Variants in KANK1 observed in about 807,000 individuals in gnomAD.
KANK1 encodes KN motif and ankyrin repeat domains 1, also known as KN motif and ankyrin repeat domain-containing protein 1.
KANK1 carries 109 observed loss-of-function variants against 106.2 expected under a neutral mutation model. The ratio of observed to expected loss-of-function variants is 1.03; its 90% CI spans 0.88 to 1.20. The LOEUF (loss-of-function observed/expected upper bound fraction) is 1.20. KANK1 is among the 50% of genes most tolerant of loss of function. KANK1 has a pLI of 0.00. For synonymous variants in KANK1, 873 were observed against 652.2 expected, an observed-to-expected ratio of 1.34 and a Z score of -5.16; for missense variants, 2,399 against 1,710.7, an observed-to-expected ratio of 1.40 and a Z score of -7.10.
intron 1 of KANK1, among the ~76,000 whole-genome samples, chr9:633,924 T>TATC (rs1381322897): frequency 6.6e-6 from 1 of 152,372 alleles, no homozygotes; most frequent in East Asian, 1.9e-4. Context: ...GTGCTGGGAT[T>TATC]ATAGGCATGA....
intron 2 of KANK1, among the ~76,000 whole-genome samples, chr9:686,276 C>T (rs1818531209): frequency 1.3e-5 from 2 of 152,154 alleles, no homozygotes; most frequent in South Asian, 4.1e-4. Flanking sequence ...GACTGGGATG[C>T]TTTATTCAAC....
intron 1 of KANK1, among the ~76,000 whole-genome samples, chr9:568,947 G>C (rs903487023): frequency 2.0e-5 from 3 of 152,138 alleles, no homozygotes; most frequent in Non-Finnish European, 4.4e-5. Flanking sequence ...ACACTCATCG[G>C]GGTATATTTG....
At chr9:479,162 C>T (rs2058159838) in intron 3 of KANK1, among the ~76,000 whole-genome samples, 1 of 152,218 alleles carries the variant, frequency 6.6e-6, no homozygotes, top group African/African-American at 2.4e-5. Flanking sequence ...ATATCGTGCT[C>T]TTTGTAAAAT....
At chr9:489,706 A>T (rs2058347024) in intron 3 of KANK1, among the ~76,000 whole-genome samples, 1 of 152,238 alleles carries the variant, frequency 6.6e-6, no homozygotes, top group Admixed American at 6.5e-5. Flanking sequence ...CCCAGCACTT[A>T]GCAGGCATTT....
chr9:679,446 G>C (rs1378435710), intron 2 of KANK1, among the ~76,000 whole-genome samples: 1 of 151,850 alleles, frequency 6.6e-6, no homozygotes, highest in Non-Finnish European at 1.5e-5. Context: ...ATGGAGTCTT[G>C]CTCTGTCACC....
At chr9:555,285 G>T (rs2061513884) in intron 1 of KANK1, among the ~76,000 whole-genome samples, 1 of 152,046 alleles carries the variant, frequency 6.6e-6, no homozygotes, top group African/African-American at 2.4e-5. Context: ...TGACTCTATG[G>T]AGCCATCACC....
intron 2 of KANK1, among the ~76,000 whole-genome samples, chr9:687,135 C>T (rs1297145198): frequency 6.6e-6 from 1 of 152,016 alleles, no homozygotes; most frequent in East Asian, 1.9e-4. Flanking sequence ...TCAGTGAGTT[C>T]ATTCATTCAG....
intron 1 of KANK1, among the ~76,000 whole-genome samples, chr9:622,477 C>G (rs539671971): frequency 6.6e-6 from 1 of 152,090 alleles, no homozygotes; most frequent in African/African-American, 2.4e-5. Context: ...GACAAGGGTG[C>G]CAAGAATACG....
intron 1 of KANK1, among the ~76,000 whole-genome samples, chr9:533,926 A>T (rs1366819246): frequency 3.3e-5 from 5 of 152,182 alleles, no homozygotes; most frequent in African/African-American, 9.7e-5. Context: ...TTTTACGAGG[A>T]CCTGGAGATT....
chr9:503,184 C>G (rs75741190), upstream of KANK1, among the ~76,000 whole-genome samples: 4,232 of 152,116 alleles, frequency 0.028, 182 homozygotes, highest in African/African-American at 0.096. Context: ...TCTGATATCT[C>G]ATCCCTTATC....
At chr9:562,086 C>T (rs1422810303) in intron 1 of KANK1, among the ~76,000 whole-genome samples, 1 of 132,140 alleles carries the variant, frequency 7.6e-6, no homozygotes, top group African/African-American at 2.8e-5. Context: ...CGCTCTGTCG[C>T]CCAGGCCGGA....
At chr9:564,290 T>C (rs910757930) in intron 1 of KANK1, among the ~76,000 whole-genome samples, 6 of 151,930 alleles carry the variant, frequency 3.9e-5, no homozygotes, top group African/African-American at 1.5e-4. Context: ...CTTGACCTCC[T>C]GACCTCATGA....
intron 1 of KANK1, among the ~76,000 whole-genome samples, chr9:532,321 A>AAC (rs892567147): frequency 7.3e-6 from 1 of 137,686 alleles, no homozygotes; most frequent in African/African-American, 2.8e-5. Context: ...GGCTCACCGC[A>AAC]ACCTCTGTCT....
chr9:608,994 G>GAT (rs1395072467), intron 1 of KANK1, among the ~76,000 whole-genome samples: 2 of 152,110 alleles, frequency 1.3e-5, no homozygotes, highest in Non-Finnish European at 2.9e-5. Flanking sequence ...GGTCACTGCT[G>GAT]ATATCCTTCC....
chr9:589,511 C>T (rs2804280), intron 1 of KANK1, among the ~76,000 whole-genome samples: 121,377 of 151,808 alleles, frequency 0.8, 48,839 homozygotes, highest in African/African-American at 0.87. Flanking sequence ...AGGTACCCAG[C>T]GGGGAGAGAG....
At chr9:583,912 TACAATTTAA>T (rs1822800841) in intron 1 of KANK1, among the ~76,000 whole-genome samples, 1 of 152,026 alleles carries the variant, frequency 6.6e-6, no homozygotes, top group African/African-American at 2.4e-5. Flanking sequence ...ATCTATACAA[TACAATTTAA>T]AAAATAACAT....
At chr9:663,148 T>A (rs1843747211) in intron 1 of KANK1, among the ~76,000 whole-genome samples, 1 of 152,072 alleles carries the variant, frequency 6.6e-6, no homozygotes, top group Admixed American at 6.6e-5. Flanking sequence ...AAAGGAAAAA[T>A]TTTTGCTAAG....
At chr9:721,211 G>T (rs931665244) in intron 3 of KANK1, among the ~76,000 whole-genome samples, 1 of 152,138 alleles carries the variant, frequency 6.6e-6, no homozygotes, top group Non-Finnish European at 1.5e-5. Flanking sequence ...TCCTTTACAG[G>T]GTTCCTAACC....
At chr9:651,451 C>T (rs1840861785) in intron 1 of KANK1, among the ~76,000 whole-genome samples, 2 of 152,154 alleles carry the variant, frequency 1.3e-5, no homozygotes. Context: ...GAACTTTCTT[C>T]TGTGACTTAC....
Sources: allele counts gnomAD v4.1 joint callset (sites outside exome capture counted in the v4.1 genomes callset), GRCh38; gene constraint gnomAD v4.1.1; transcripts MANE v1.5; gene names NCBI Gene and HGNC (gene_info 2026-07-23, HGNC 2026-07-21).